The following ERMAP variants were observed in gnomAD, a reference collection of about 807,000 sequenced individuals.
ERMAP encodes erythroblast membrane associated protein (Scianna blood group).
ERMAP carries 34 observed loss-of-function variants against 49.5 expected under a neutral mutation model. The observed-to-expected ratio is 0.69, with a 90% CI of 0.52 to 0.91. The LOEUF (loss-of-function observed/expected upper bound fraction) is 0.91, where lower values mean the gene tolerates loss of function less well. Ranked by LOEUF, ERMAP falls within the 40% of genes least tolerant of loss-of-function variation. The pLI, the probability that ERMAP is intolerant of heterozygous loss-of-function variation, is 0.00. For missense variants in ERMAP, 541 were observed against 582.6 expected (o/e 0.93, Z 0.74); for synonymous variants, 214 against 232.2 (o/e 0.92, Z 0.71).
chr1:42,826,899 C>G (rs1570532300), intron 2 of ERMAP, among the ~76,000 whole-genome samples: 1 of 151,594 alleles, frequency 6.6e-6, no homozygotes, highest in Admixed American at 6.6e-5. Flanking sequence ...AGTAAGGGAC[C>G]AAGCCAAGAC....
chr1:42,820,381 CTTTT>C (rs35589923), intron 1 of ERMAP, among the ~76,000 whole-genome samples: 5 of 131,408 alleles, frequency 3.8e-5, no homozygotes, highest in Non-Finnish European at 4.8e-5. Flanking sequence ...ATCAGTTTCT[CTTTT>C]TTTTTTTTTT....
rs1557616528 is a variant in ERMAP, at chr1:42,843,789, T to A, written c.*557T>A. On this transcript the variant is annotated 3_prime_UTR_variant, in exon 12 of 12. Coordinates refer to ENST00000372517, the MANE Select transcript of ERMAP (RefSeq NM_001017922.2). ...CTGATGAGTAAAACATACCATCCTT[T>A]TCTATTTTCTTGATGCTGTTTACAA... 3.0e-6 allele frequency: 1 copy of A among 329,642 alleles called. No individual in the cohort carries two copies. The highest frequency in any genetic ancestry group is 5.4e-6 in the Non-Finnish European group (1 of 183,578). 20.4% of individuals were successfully genotyped at this position (329,642 alleles called of 1,614,324 possible).
At chr1:42,817,295 T>C in intron 1 of ERMAP, 42 bp downstream of exon 1, 2 of 1,188,980 alleles carry the variant, frequency 1.7e-6, no homozygotes, top group Non-Finnish European at 2.2e-6. Context: ...CAGCGCTGCC[T>C]GCCCACCGCC....
chr1:42,817,285 C>T, intron 1 of ERMAP, 32 bp downstream of exon 1: 2 of 1,217,430 alleles, frequency 1.6e-6, no homozygotes, highest in Non-Finnish European at 1.1e-6. Context: ...CCACTGGACC[C>T]AGCGCTGCCT....
intron 2 of ERMAP, chr1:42,830,219 A>G (rs1377920361): frequency 2.3e-5 from 13 of 562,960 alleles, no homozygotes; most frequent in Non-Finnish European, 3.8e-5. Context: ...ATAATCCCAC[A>G]AGGAGGCACA....
rs567211034 is a variant in ERMAP, at chr1:42,828,391, G to A, written c.-5-2053G>A. Among the ~76,000 whole-genome samples the A allele has an allele frequency of 2.0e-3, 303 of 152,242 alleles. 2 individuals carry two copies. Among genetic ancestry groups the A allele is most frequent in the Non-Finnish European group, 3.4e-3 (233 of 68,014 alleles). On this transcript the variant is annotated intron_variant, in intron 2 of 11. Transcript: ENST00000372517. The stretch of plus-strand genomic sequence containing the variant: ...AACTTCATTTCATGTGTGAGCAAGA[G>A]GAGGTTTGGAGAAGTAAACTAACCT...
chr1:42,817,341 G>A (rs1654266950), intron 1 of ERMAP, 88 bp downstream of exon 1: 1 of 916,114 alleles, frequency 1.1e-6, no homozygotes, highest in South Asian at 2.1e-5. Context: ...CGGGGGGAGG[G>A]GCGCAGGGCC....
At chr1:42,833,767 G>C (rs1323209718) in intron 4 of ERMAP, among the ~76,000 whole-genome samples, 1 of 151,926 alleles carries the variant, frequency 6.6e-6, no homozygotes, top group Non-Finnish European at 1.5e-5. Flanking sequence ...ATGCTGCCCA[G>C]GCTGGTCTGA....
At position 42,830,790 on chromosome 1, in the gene ERMAP, G is replaced by A; in HGVS notation, c.108G>A (p.Lys36=). The change falls in exon 4 of 12, where the codon AAG becomes AAA. Residue 36 remains lysine, a synonymous_variant. Transcript: ENST00000372517. ...CAGGCCACGCAGGGGATGCCGGCAA[G>A]TTCCACGTGGCCCTACTAGGGGGCA... ...HVSGHAGDAG[K]FHVALLGGTA... The A allele has an allele frequency of 1.3e-6, 2 of 1,556,786 alleles. No homozygotes were observed. Among genetic ancestry groups the A allele is most frequent in the Non-Finnish European group, 1.7e-6 (2 of 1,150,698 alleles).
At chr1:42,834,837 G>A (rs1292333479) in intron 4 of ERMAP, 3 of 506,158 alleles carry the variant, frequency 5.9e-6, no homozygotes, top group African/African-American at 3.9e-5. Context: ...TTACAGGCGT[G>A]AGCCACCGTT....
intron 11 of ERMAP, 61 bp downstream of exon 11, chr1:42,840,357 AC>A: frequency 3.1e-6 from 5 of 1,605,462 alleles, no homozygotes; most frequent in Non-Finnish European, 4.3e-6. Flanking sequence ...TGGCTTTGTA[AC>A]CTTAGATTTT....
chr1:42,820,646 AC>A lies in ERMAP; in HGVS notation c.-122+3394del, dbSNP rs1219985189. Among the ~76,000 whole-genome samples the A allele has an allele frequency of 3.3e-5, 5 of 152,216 alleles. No individual in the cohort carries two copies. In the South Asian group the frequency reaches 8.3e-4, roughly 25 times the overall value. ...TCTATTGAATTTTTTCATTTCTGCTACAAAAATGTTAATTTCCAAGAGTTTT... is the reference window on the plus strand; with the variant it reads ...TCTATTGAATTTTTTCATTTCTGCTAAAAAATGTTAATTTCCAAGAGTTTT... On this transcript the variant is annotated intron_variant, in intron 1 of 11. Coordinates refer to ENST00000372517, the MANE Select transcript of ERMAP (RefSeq NM_001017922.2).
intron 4 of ERMAP, among the ~76,000 whole-genome samples, chr1:42,831,567 T>TGTTC (rs1654734429): frequency 4.2e-5 from 1 of 23,606 alleles, no homozygotes; most frequent in Non-Finnish European, 7.8e-5. Context: ...TTTTTTTTTT[T>TGTTC]TTTTTCTCTT....
In ERMAP at chr1:42,830,799, G is replaced by A; in HGVS notation, c.117G>A (p.Val39=). The A allele has an allele frequency of 1.3e-6, 2 of 1,565,364 alleles. No individual in the cohort carries two copies. The highest frequency in any genetic ancestry group is 2.4e-5 in the East Asian group (1 of 41,966). The part of the protein sequence containing the change: ...GHAGDAGKFH[V]ALLGGTAELL... ...CAGGGGATGCCGGCAAGTTCCACGT[G>A]GCCCTACTAGGGGGCACAGCCGAGC... The change falls in exon 4 of 12, where the codon GTG becomes GTA. Residue 39 remains valine, a synonymous_variant. Coordinates refer to ENST00000372517, the MANE Select transcript of ERMAP (RefSeq NM_001017922.2).
chr1:42,830,640 C>T (rs1283627108), intron 3 of ERMAP, 107 bp downstream of exon 3: 8 of 1,455,000 alleles, frequency 5.5e-6, no homozygotes, highest in South Asian at 2.4e-5. Context: ...TCTGTTCCCC[C>T]GGCCCTGGCA....
chr1:42,840,802 G>A (rs1208520111), intron 11 of ERMAP, among the ~76,000 whole-genome samples: 2 of 151,794 alleles, frequency 1.3e-5, no homozygotes, highest in African/African-American at 4.8e-5. Flanking sequence ...ATGCTTTCAG[G>A]TTTGGGAAGT....
At chr1:42,825,465 G>A (rs1269612034) in intron 1 of ERMAP, 158 bp from the exon 2 acceptor site, 2 of 1,150,728 alleles carry the variant, frequency 1.7e-6, no homozygotes, top group East Asian at 6.5e-5. Context: ...TCATTTTTGG[G>A]AGCCTCCTCT....
chr1:42,824,192 A>C (rs1190640529), intron 1 of ERMAP, among the ~76,000 whole-genome samples: 4 of 151,684 alleles, frequency 2.6e-5, no homozygotes, highest in Non-Finnish European at 4.4e-5. Flanking sequence ...AAAATACAAA[A>C]AAAAAAATAG....
intron 8 of ERMAP, 44 bp downstream of exon 8, chr1:42,838,965 CACTTTTGCTT>C: frequency 1.2e-6 from 2 of 1,614,160 alleles, no homozygotes; most frequent in Non-Finnish European, 1.7e-6. Context: ...CTTCTGCTGA[CACTTTTGCTT>C]TGGGATGAGC....
Sources: allele counts gnomAD v4.1 joint callset (sites outside exome capture counted in the v4.1 genomes callset), GRCh38; gene constraint gnomAD v4.1.1; transcripts MANE v1.5; gene names NCBI Gene and HGNC (gene_info 2026-07-23, HGNC 2026-07-21).